Variants in MTPN observed in about 807,000 individuals in gnomAD.
MTPN encodes the protein myotrophin.
Under a neutral mutation model 13.5 loss-of-function variants are expected in MTPN, and 2 were observed. The observed-to-expected ratio is 0.15, with a 90% CI of 0.06 to 0.47. The LOEUF (loss-of-function observed/expected upper bound fraction) is 0.47. MTPN is among the 20% of genes least tolerant of loss of function. MTPN has a pLI of 0.97. For missense variants in MTPN, 79 were observed against 137.9 expected, an observed-to-expected ratio of 0.57 and a Z score of 2.14; for synonymous variants, 46 against 51.7, an observed-to-expected ratio of 0.89 and a Z score of 0.48.
chr7:135,977,116 G>C lies in MTPN; in HGVS notation c.-16C>G. 5.6e-6 allele frequency: 9 copies of C among 1,613,902 alleles called. No homozygotes were observed. Among genetic ancestry groups the C allele is most frequent in the Non-Finnish European group, 7.6e-6 (9 of 1,179,920 alleles). On this transcript the variant is annotated 5_prime_UTR_variant, in exon 1 of 4. Transcript: ENST00000393085. ...TGTCGCACATCACTGCAGCGGGGCAGGCCGGTTGGCCGGGCAGAAGATGAG... is the reference window on the plus strand; with the variant it reads ...TGTCGCACATCACTGCAGCGGGGCACGCCGGTTGGCCGGGCAGAAGATGAG...
chr7:135,927,867 G>A lies in MTPN; in HGVS notation c.*2059C>T. ...TACCATGAATGTAGAAAGCAGACCA[G>A]GTTTAGGAATGATAGGACAATGCAC... On this transcript the variant is annotated 3_prime_UTR_variant, in exon 4 of 4. Coordinates refer to ENST00000393085, the MANE Select transcript of MTPN (RefSeq NM_145808.4). 2.8e-6 allele frequency: 1 copy of A among 351,792 alleles called. No homozygotes were observed. Among genetic ancestry groups the A allele is most frequent in the African/African-American group, 2.2e-5 (1 of 45,916 alleles). The allele number at this position is 351,792 out of a possible 1,614,324, so 21.8% of individuals were successfully genotyped here. A position where few individuals can be genotyped will look rare whatever the true frequency, so the allele number is the denominator to read the frequency against.
At chr7:135,958,645 A>G (rs1378572288) in intron 1 of MTPN, among the ~76,000 whole-genome samples, 3 of 152,214 alleles carry the variant, frequency 2.0e-5, no homozygotes, top group Non-Finnish European at 2.9e-5. Context: ...TTGCAGACAC[A>G]TGGCACAAGC....
chr7:135,965,281 C>T (rs1799588053), intron 1 of MTPN, among the ~76,000 whole-genome samples: 1 of 152,028 alleles, frequency 6.6e-6, no homozygotes, highest in Non-Finnish European at 1.5e-5. Context: ...AGTATGATCA[C>T]AATCCCTATT....
At chr7:135,960,411 A>C (rs143395363) in intron 1 of MTPN, among the ~76,000 whole-genome samples, 112 of 152,172 alleles carry the variant, frequency 7.4e-4, no homozygotes, top group Non-Finnish European at 1.3e-3. Context: ...AGATCGGGTG[A>C]ACAAAACCAC....
At chr7:135,954,226 G>C (rs1329596897) in intron 1 of MTPN, among the ~76,000 whole-genome samples, 1 of 152,106 alleles carries the variant, frequency 6.6e-6, no homozygotes, top group Non-Finnish European at 1.5e-5. Context: ...GTTTAATGAA[G>C]GCTATTATAT....
At position 135,977,336 on chromosome 7, in the gene MTPN, G is replaced by C. The variant is rs1385201655; in HGVS notation, c.-236C>G. 1.8e-6 allele frequency: 1 copy of C among 566,106 alleles called. No homozygotes were observed. The highest frequency in any genetic ancestry group is 1.9e-5 in the African/African-American group (1 of 52,862). 35.1% of individuals were successfully genotyped at this position (566,106 alleles called of 1,614,324 possible). ...CAGCAGAGAGGTTCCGCCTGGCCGA[G>C]GAGAGGCAGGAACCTTTACACTTCC... On this transcript the variant is annotated 5_prime_UTR_variant, in exon 1 of 4. Coordinates refer to ENST00000393085, the MANE Select transcript of MTPN (RefSeq NM_145808.4).
chr7:135,953,562 C>T (rs1173450639), intron 1 of MTPN, among the ~76,000 whole-genome samples: 4 of 152,056 alleles, frequency 2.6e-5, no homozygotes, highest in African/African-American at 7.2e-5. Context: ...AACAGAAATA[C>T]GGTTAGCTAT....
chr7:135,951,629 C>A lies in MTPN; in HGVS notation c.74G>T (p.Gly25Val). Reference sequence around the variant, plus strand: ...TTCTAGTGTCCGGTTGACATCTTCTCCCTGATAAGAAAACCAAATGAAAAC... The same window carrying A: ...TTCTAGTGTCCGGTTGACATCTTCTACCTGATAAGAAAACCAAATGAAAAC... The part of the protein sequence containing the change: ...LDEVKDYVAK[G>V]EDVNRTLEGG... Residue 25 changes from glycine to valine, a missense_variant and splice_region_variant, in exon 2 of 4, where the codon GGA becomes GTA. Transcript: ENST00000393085. The A allele has an allele frequency of 6.2e-7, 1 of 1,603,330 alleles. No individual in the cohort carries two copies. Among genetic ancestry groups the A allele is most frequent in the South Asian group, 1.1e-5 (1 of 89,894 alleles).
chr7:135,957,358 T>C (rs1252257544), intron 1 of MTPN, among the ~76,000 whole-genome samples: 3 of 152,136 alleles, frequency 2.0e-5, no homozygotes, highest in African/African-American at 4.8e-5. Context: ...ATTTAGATTA[T>C]AGTGGAAAGG....
chr7:135,969,238 T>TAA (rs57871609), intron 1 of MTPN, among the ~76,000 whole-genome samples: 2 of 109,110 alleles, frequency 1.8e-5, no homozygotes, highest in African/African-American at 6.8e-5. Flanking sequence ...TAAAGTATAA[T>TAA]AAAAAAAAAA....
In MTPN at chr7:135,977,065, G is replaced by A. The variant is rs775613768; in HGVS notation, c.36C>T (p.Asn12=). ...CDKEFMWALK[N]GDLDEVKDYV... is the part of the protein sequence containing the mutation. ...AGTCTTTCACCTCATCCAAGTCTCCGTTTTTCAGGGCCCACATGAACTCCT... is the reference window on the plus strand; with the variant it reads ...AGTCTTTCACCTCATCCAAGTCTCCATTTTTCAGGGCCCACATGAACTCCT... The change falls in exon 1 of 4, where the codon AAC becomes AAT. Residue 12 remains asparagine, a synonymous_variant. Transcript: ENST00000393085. 8 of 1,613,984 alleles carry A rather than the reference G, an allele frequency of 5.0e-6. No individual in the cohort carries two copies. In the Admixed American group the frequency reaches 1.3e-4, roughly 27 times the overall value.
chr7:135,972,231 G>GCACACA (rs67168370), intron 1 of MTPN, among the ~76,000 whole-genome samples: 426 of 124,716 alleles, frequency 3.4e-3, no homozygotes, highest in Middle Eastern at 7.7e-3. Flanking sequence ...GCACGCGCGC[G>GCACACA]CACACACACA....
At chr7:135,965,430 TAAA>T (rs1187896907) in intron 1 of MTPN, among the ~76,000 whole-genome samples, 2 of 152,022 alleles carry the variant, frequency 1.3e-5, no homozygotes, top group Non-Finnish European at 2.9e-5. Context: ...TTCAAAATAA[TAAA>T]TAATAAAAAA....
At chr7:135,963,232 A>C (rs979543465) in intron 1 of MTPN, among the ~76,000 whole-genome samples, 6 of 152,050 alleles carry the variant, frequency 3.9e-5, no homozygotes, top group Admixed American at 2.0e-4. Flanking sequence ...TAATATTTAA[A>C]AAATGACAGA....
At chr7:135,931,464 A>G (rs1350051484) in intron 3 of MTPN, among the ~76,000 whole-genome samples, 2 of 152,120 alleles carry the variant, frequency 1.3e-5, no homozygotes, top group Non-Finnish European at 2.9e-5. Context: ...TTAAATGATC[A>G]CAAAGTCCTC....
At chr7:135,956,746 CA>C (rs1292567984) in intron 1 of MTPN, among the ~76,000 whole-genome samples, 1 of 151,994 alleles carries the variant, frequency 6.6e-6, no homozygotes, top group African/African-American at 2.4e-5. Flanking sequence ...ACTGTGTTTT[CA>C]ACCTTTCCTG....
chr7:135,932,340 T>C (rs574383057), intron 3 of MTPN: 6 of 152,206 alleles, frequency 3.9e-5, no homozygotes, highest in South Asian at 2.1e-4. Context: ...GCTCAATCTC[T>C]TCTCAACCTG....
chr7:135,950,756 TC>T, intron 2 of MTPN, 74 bp from the exon 3 acceptor site: 5 of 1,157,228 alleles, frequency 4.3e-6, no homozygotes, highest in Non-Finnish European at 5.1e-6. Flanking sequence ...ACTAGAAAAC[TC>T]TTTCTAGATT....
intron 1 of MTPN, among the ~76,000 whole-genome samples, chr7:135,957,573 G>T (rs1436869516): frequency 6.6e-6 from 1 of 152,102 alleles, no homozygotes; most frequent in African/African-American, 2.4e-5. Flanking sequence ...TGTCAGAGGA[G>T]AACCTAATTA....
Sources: gnomAD v4.1 joint callset for allele counts (sites outside exome capture counted in the v4.1 genomes callset) on GRCh38, gnomAD v4.1.1 for gene constraint, MANE v1.5 for transcripts, NCBI Gene and HGNC (gene_info 2026-07-23, HGNC 2026-07-21) for gene names.